GABRB1: variants seen among roughly 807,000 people sequenced by gnomAD.
GABRB1 encodes the protein gamma-aminobutyric acid receptor subunit beta-1.
In GABRB1, 17 loss-of-function variants were observed where a neutral mutation model predicts 51.6. The observed-to-expected ratio is 0.33, with a 90% CI of 0.23 to 0.49. The LOEUF (loss-of-function observed/expected upper bound fraction) is 0.49, where lower values mean the gene tolerates loss of function less well. Among genes scored for constraint, GABRB1 ranks in the 20% least tolerant of loss-of-function variants. The pLI is 0.99. For missense variants in GABRB1, 410 were observed against 600.6 expected (o/e 0.68, Z 3.32); for synonymous variants, 247 against 218.9 (o/e 1.13, Z -1.14).
upstream of GABRB1, among the ~76,000 whole-genome samples, chr4:47,028,001 T>C (rs1424297031): frequency 6.6e-6 from 1 of 151,690 alleles, no homozygotes; most frequent in Admixed American, 6.6e-5. Flanking sequence ...TATATGAAAT[T>C]GTATTTTTCC....
intron 4 of GABRB1, among the ~76,000 whole-genome samples, chr4:47,206,499 T>G (rs898794708): frequency 1.3e-5 from 2 of 152,022 alleles, no homozygotes; most frequent in African/African-American, 4.8e-5. Flanking sequence ...AATTCTTATT[T>G]TGAAGCATAA....
intron 4 of GABRB1, among the ~76,000 whole-genome samples, chr4:47,211,474 A>G (rs1250904617): frequency 6.6e-6 from 1 of 152,172 alleles, no homozygotes; most frequent in African/African-American, 2.4e-5. Context: ...CAGATGACAT[A>G]CTCAAACTAG....
At chr4:47,209,459 A>G (rs939690188) in intron 4 of GABRB1, among the ~76,000 whole-genome samples, 1 of 152,130 alleles carries the variant, frequency 6.6e-6, no homozygotes, top group Non-Finnish European at 1.5e-5. Flanking sequence ...TTATTCAGTA[A>G]TCCATTGTTG....
rs140942842 is a variant in GABRB1, at chr4:47,357,348, A to G, written c.544+37139A>G. ...ACCAGAAGTGAAGAGAAGAGTTTCT[A>G]TGGCCAGTAGTCAGCTGATGTCAAC... is the stretch of plus-strand genomic sequence containing the variant. On this transcript the variant is annotated intron_variant, in intron 5 of 8. Transcript: ENST00000295454. 1.8e-4 allele frequency among the ~76,000 whole-genome samples: 27 copies of G among 152,274 alleles called. No homozygotes were observed. In the East Asian group the frequency reaches 3.7e-3, roughly 21 times the overall value.
chr4:47,298,391 C>A (rs1312668743), intron 4 of GABRB1, among the ~76,000 whole-genome samples: 5 of 152,212 alleles, frequency 3.3e-5, no homozygotes, highest in African/African-American at 7.2e-5. Context: ...TCAGCAAAGT[C>A]TCAGGATACA....
chr4:47,381,955 C>T (rs559171464), intron 5 of GABRB1, among the ~76,000 whole-genome samples: 3 of 152,204 alleles, frequency 2.0e-5, no homozygotes, highest in Non-Finnish European at 2.9e-5. Flanking sequence ...TATCCTCCCC[C>T]CTCCAAGTAG....
At chr4:47,008,761 G>A (rs1208545861) in intron 1 of GABRB1, among the ~76,000 whole-genome samples, 2 of 148,292 alleles carry the variant, frequency 1.3e-5, no homozygotes, top group Admixed American at 6.8e-5. Flanking sequence ...TTACAGGCGT[G>A]AGCCACTGCA....
intron 1 of GABRB1, among the ~76,000 whole-genome samples, chr4:46,998,928 T>C (rs1050367323): frequency 7.2e-5 from 11 of 152,044 alleles, no homozygotes; most frequent in African/African-American, 2.7e-4. Flanking sequence ...AGAGCAGTGA[T>C]TGTGTGTGTG....
chr4:47,026,869 C>T (rs751526051), upstream of GABRB1, among the ~76,000 whole-genome samples: 9 of 151,866 alleles, frequency 5.9e-5, no homozygotes, highest in East Asian at 1.9e-4. Flanking sequence ...TAATTAATAA[C>T]GTACTAGAAA....
Position 47,287,801 on chromosome 4 carries a change from C to T in GABRB1, c.462-32326C>T, listed in dbSNP as rs867908695. Among the ~76,000 whole-genome samples, 3 of 152,186 alleles carry T rather than the reference C, an allele frequency of 2.0e-5. 1 individual carries two copies. The South Asian group carries it at 6.2e-4, about 32-fold the overall frequency. ...TGATGGAAGCCAGTTGAGAGTTTCC[C>T]TATGGACATGCCTATATGACAAGAA... On this transcript the variant is annotated intron_variant, in intron 4 of 8. Coordinates refer to ENST00000295454, the MANE Select transcript of GABRB1 (RefSeq NM_000812.4).
intron 5 of GABRB1, among the ~76,000 whole-genome samples, chr4:47,399,642 C>G (rs1728311067): frequency 6.6e-6 from 1 of 152,108 alleles, no homozygotes; most frequent in Non-Finnish European, 1.5e-5. Context: ...GAAGAGTTTC[C>G]TCATGCAGGT....
intron 4 of GABRB1, among the ~76,000 whole-genome samples, chr4:47,183,689 T>C (rs1170844780): frequency 6.6e-6 from 1 of 151,814 alleles, no homozygotes; most frequent in African/African-American, 2.4e-5. Context: ...CATCTGTCAA[T>C]ATCACCTCTC....
At chr4:47,339,616 A>G (rs1725812942) in intron 5 of GABRB1, among the ~76,000 whole-genome samples, 2 of 150,724 alleles carry the variant, frequency 1.3e-5, no homozygotes, top group Admixed American at 1.3e-4. Context: ...CCTATAGGAA[A>G]AGTAAGAGAG....
At chr4:47,209,663 C>G (rs1237216758) in intron 4 of GABRB1, among the ~76,000 whole-genome samples, 4 of 152,090 alleles carry the variant, frequency 2.6e-5, no homozygotes, top group African/African-American at 4.8e-5. Context: ...GACCAGAGTG[C>G]CTGTTCTATC....
chr4:47,296,272 T>A (rs1578072448), intron 4 of GABRB1, among the ~76,000 whole-genome samples: 1 of 152,156 alleles, frequency 6.6e-6, no homozygotes, highest in Non-Finnish European at 1.5e-5. Context: ...TAACCTTAAA[T>A]GTAAATGAGC....
intron 5 of GABRB1, among the ~76,000 whole-genome samples, chr4:47,348,628 T>A (rs1354524505): frequency 6.6e-6 from 1 of 152,180 alleles, no homozygotes; most frequent in Non-Finnish European, 1.5e-5. Context: ...ACAATTCAAA[T>A]AAGGGATACT....
At chr4:47,070,435 G>A (rs928053377) in intron 3 of GABRB1, among the ~76,000 whole-genome samples, 1 of 150,014 alleles carries the variant, frequency 6.7e-6, no homozygotes, top group Non-Finnish European at 1.5e-5. Flanking sequence ...GAGTTCAAGC[G>A]ATTCTCCTGC....
At chr4:46,999,053 A>G (rs1443557667) in intron 1 of GABRB1, among the ~76,000 whole-genome samples, 1 of 152,154 alleles carries the variant, frequency 6.6e-6, no homozygotes, top group African/African-American at 2.4e-5. Context: ...GTTTCTGAAA[A>G]AGATGATACT....
chr4:47,287,666 C>A (rs1405108975), intron 4 of GABRB1, among the ~76,000 whole-genome samples: 1 of 152,202 alleles, frequency 6.6e-6, no homozygotes, highest in South Asian at 2.1e-4. Context: ...TTTGGACTTA[C>A]TTCATATGGA....
Sources: allele counts gnomAD v4.1 joint callset (sites outside exome capture counted in the v4.1 genomes callset), GRCh38; gene constraint gnomAD v4.1.1; transcripts MANE v1.5; gene names NCBI Gene and HGNC (gene_info 2026-07-23, HGNC 2026-07-21).